Variants in IGSF11 observed in about 807,000 individuals in gnomAD.
IGSF11 encodes CXADR like 1.
A neutral mutation model predicts 41.0 loss-of-function variants in IGSF11; 22 were observed. That is an observed-to-expected ratio of 0.54 (90% confidence interval 0.38 to 0.77). IGSF11 has a LOEUF of 0.77. IGSF11 is among the 30% of genes least tolerant of loss of function. The pLI is 0.00. For missense variants in IGSF11, 444 were observed against 530.8 expected, an observed-to-expected ratio of 0.84 and a Z score of 1.61; for synonymous variants, 219 against 201.3, an observed-to-expected ratio of 1.09 and a Z score of -0.74.
upstream of IGSF11, among the ~76,000 whole-genome samples, chr3:119,106,415 T>C (rs1448625927): frequency 2.0e-5 from 3 of 152,100 alleles, no homozygotes; most frequent in Non-Finnish European, 2.9e-5. Context: ...TCTCCACAAG[T>C]TCAATTGTTT....
intron 1 of IGSF11, among the ~76,000 whole-genome samples, chr3:119,078,661 GATT>G (rs2076540902): frequency 6.6e-6 from 1 of 152,128 alleles, no homozygotes; most frequent in African/African-American, 2.4e-5. Context: ...CCCTGGCAAA[GATT>G]TCATGATGAA....
chr3:119,082,810 T>C (rs1379357694), intron 1 of IGSF11, among the ~76,000 whole-genome samples: 2 of 152,198 alleles, frequency 1.3e-5, no homozygotes, highest in African/African-American at 2.4e-5. Context: ...GGAGGTATGA[T>C]AAACTTCCTC....
intron 1 of IGSF11, among the ~76,000 whole-genome samples, chr3:119,084,005 T>C (rs1028119804): frequency 6.6e-6 from 1 of 152,116 alleles, no homozygotes; most frequent in Non-Finnish European, 1.5e-5. Flanking sequence ...AATATGGAGA[T>C]GGAAGACAGT....
chr3:119,114,068 AGCAGGGCCCTGGGCCCAGCCCATG>A (rs2077222614), intron 1 of IGSF11, among the ~76,000 whole-genome samples: 1 of 152,222 alleles, frequency 6.6e-6, no homozygotes, highest in Non-Finnish European at 1.5e-5. Context: ...GGTACAGGGC[AGCAGGGCCCTGGGCCCAGCCCATG>A]GCCCATGAAA....
intron 1 of IGSF11, among the ~76,000 whole-genome samples, chr3:118,948,821 A>T (rs1944355007): frequency 1.3e-5 from 2 of 151,988 alleles, no homozygotes; most frequent in Non-Finnish European, 2.9e-5. Flanking sequence ...AAATAAAAAA[A>T]AATAGCCGGG....
At chr3:118,934,366 CA>C (rs1943085603) in intron 1 of IGSF11, among the ~76,000 whole-genome samples, 1 of 152,078 alleles carries the variant, frequency 6.6e-6, no homozygotes, top group Non-Finnish European at 1.5e-5. Flanking sequence ...TAATATAATT[CA>C]CTTCTGGTTT....
intron 1 of IGSF11, among the ~76,000 whole-genome samples, chr3:119,003,759 T>G (rs1937161354): frequency 6.6e-6 from 1 of 151,902 alleles, no homozygotes; most frequent in African/African-American, 2.4e-5. Flanking sequence ...ATATGCTGGA[T>G]TACATTTATT....
intron 4 of IGSF11, among the ~76,000 whole-genome samples, chr3:118,906,624 T>C (rs113023337): frequency 1.3e-4 from 20 of 152,268 alleles, no homozygotes; most frequent in African/African-American, 2.2e-4. Flanking sequence ...CATCAGGAGT[T>C]TGAACAACAA....
chr3:119,043,936 A>G (rs1356628969), intron 1 of IGSF11, among the ~76,000 whole-genome samples: 1 of 152,158 alleles, frequency 6.6e-6, no homozygotes, highest in Non-Finnish European at 1.5e-5. Context: ...AGATCTTTCC[A>G]CTGAAACAGT....
intron 1 of IGSF11, among the ~76,000 whole-genome samples, chr3:119,083,119 C>CTTTTTTTTTTTTTTTTTTTTTT (rs1272341276): frequency 8.7e-6 from 1 of 114,816 alleles, no homozygotes; most frequent in Non-Finnish European, 1.7e-5. Flanking sequence ...TTTTCTTTTT[C>CTTTTTTTTTTTTTTTTTTTTTT]TTTTTTCTTT....
At chr3:118,949,894 G>T (rs1944443558) in intron 1 of IGSF11, among the ~76,000 whole-genome samples, 2 of 152,176 alleles carry the variant, frequency 1.3e-5, no homozygotes, top group African/African-American at 4.8e-5. Context: ...GAAAAGTGAT[G>T]AATTTACTCT....
intron 1 of IGSF11, among the ~76,000 whole-genome samples, chr3:119,123,505 G>A (rs140208882): frequency 1.2e-4 from 19 of 152,304 alleles, no homozygotes; most frequent in African/African-American, 4.6e-4. Context: ...GGCCTTGAGC[G>A]AACATAAGCA....
chr3:119,119,559 G>T (rs1010720189), intron 1 of IGSF11, among the ~76,000 whole-genome samples: 5 of 152,146 alleles, frequency 3.3e-5, no homozygotes, highest in African/African-American at 1.2e-4. Flanking sequence ...TTAAACTTGG[G>T]TCTATTCCCA....
At chr3:119,076,142 C>A (rs2076494822) in intron 1 of IGSF11, among the ~76,000 whole-genome samples, 1 of 152,088 alleles carries the variant, frequency 6.6e-6, no homozygotes, top group South Asian at 2.1e-4. Flanking sequence ...ACAAAACTGA[C>A]AAAAACAAGA....
intron 1 of IGSF11, among the ~76,000 whole-genome samples, chr3:119,028,785 T>G (rs930637257): frequency 6.6e-6 from 1 of 152,106 alleles, no homozygotes; most frequent in African/African-American, 2.4e-5. Flanking sequence ...GAAGCTGACA[T>G]AGTCACACCA....
At chr3:119,056,051 A>C (rs945092828) in intron 1 of IGSF11, among the ~76,000 whole-genome samples, 2 of 152,206 alleles carry the variant, frequency 1.3e-5, no homozygotes, top group African/African-American at 4.8e-5. Context: ...CTAATATCAC[A>C]ATTAAAAGAA....
At chr3:119,141,041 T>TG (rs1357706498) in intron 1 of IGSF11, among the ~76,000 whole-genome samples, 15 of 22,656 alleles carry the variant, frequency 6.6e-4, no homozygotes, top group Non-Finnish European at 1.3e-3. Flanking sequence ...CTCTGTCTCA[T>TG]TAAAAAAAAA....
At chr3:118,934,474 A>C (rs1943091993) in intron 1 of IGSF11, among the ~76,000 whole-genome samples, 1 of 152,172 alleles carries the variant, frequency 6.6e-6, no homozygotes, top group South Asian at 2.1e-4. Flanking sequence ...TACTGCCTTG[A>C]TGCCTTATTC....
At chr3:119,024,794 A>C (rs188813622) in intron 1 of IGSF11, among the ~76,000 whole-genome samples, 9 of 152,304 alleles carry the variant, frequency 5.9e-5, no homozygotes, top group South Asian at 4.1e-4. Context: ...TTAGACAAAG[A>C]AAGCTCATTA....
Sources: allele counts gnomAD v4.1 joint callset (sites outside exome capture counted in the v4.1 genomes callset), GRCh38; gene constraint gnomAD v4.1.1; transcripts MANE v1.5; gene names NCBI Gene and HGNC (gene_info 2026-07-23, HGNC 2026-07-21).